EPHA5: variants seen among roughly 807,000 people sequenced by gnomAD.
EPHA5 encodes the protein ephrin type-A receptor 5.
EPHA5 carries 60 observed loss-of-function variants against 105.0 expected under a neutral mutation model. The ratio of observed to expected loss-of-function variants is 0.57; its 90% CI spans 0.46 to 0.71. The LOEUF (loss-of-function observed/expected upper bound fraction) is 0.71, where lower values mean the gene tolerates loss of function less well. EPHA5 is among the 30% of genes least tolerant of loss of function. EPHA5 has a pLI of 0.00. For missense variants in EPHA5, 1,218 were observed against 1,274.7 expected, an observed-to-expected ratio of 0.96 and a Z score of 0.68; for synonymous variants, 513 against 449.1, an observed-to-expected ratio of 1.14 and a Z score of -1.80.
intron 3 of EPHA5, among the ~76,000 whole-genome samples, chr4:65,507,431 G>A (rs1733152160): frequency 6.6e-6 from 1 of 152,094 alleles, no homozygotes; most frequent in Non-Finnish European, 1.5e-5. Flanking sequence ...AATGGGGATG[G>A]CATTGAATCT....
rs1740453059 is a variant in EPHA5, at chr4:65,573,506, C to T, written c.910+28135G>A. 2.5e-6 allele frequency: 4 copies of T among 1,592,212 alleles called. No homozygotes were observed. In the East Asian group the frequency reaches 9.0e-5, roughly 36 times the overall value. On this transcript the variant is annotated intron_variant, in intron 3 of 16. Coordinates refer to ENST00000613740, the MANE Select transcript of EPHA5 (RefSeq NM_001281766.3). ...AGCCAGATACTAAAGAGAAGAAACC[C>T]GAAGCCAAGAAGACTGATGCTGGTG...
At chr4:65,400,213 A>C (rs1231436782) in intron 8 of EPHA5, among the ~76,000 whole-genome samples, 1 of 152,212 alleles carries the variant, frequency 6.6e-6, no homozygotes, top group African/African-American at 2.4e-5. Flanking sequence ...TTAGGACAAA[A>C]GAAAGTTATC....
At chr4:65,486,819 C>T (rs1447071671) in intron 5 of EPHA5, among the ~76,000 whole-genome samples, 1 of 152,184 alleles carries the variant, frequency 6.6e-6, no homozygotes, top group South Asian at 2.1e-4. Context: ...ATGGCTTGGG[C>T]CTGTGTCCCT....
intron 3 of EPHA5, among the ~76,000 whole-genome samples, chr4:65,533,932 C>CAA (rs956529226): frequency 3.0e-5 from 4 of 132,036 alleles, no homozygotes; most frequent in African/African-American, 1.1e-4. Flanking sequence ...GACTCCATCT[C>CAA]AAAAAAAAAT....
chr4:65,578,090 A>T (rs897610995), intron 3 of EPHA5, among the ~76,000 whole-genome samples: 1 of 152,200 alleles, frequency 6.6e-6, no homozygotes, highest in Admixed American at 6.5e-5. Context: ...TTATATCAGT[A>T]TACCTATATC....
intron 12 of EPHA5, 57 bp downstream of exon 12, chr4:65,352,985 A>G (rs1279162981): frequency 2.5e-6 from 3 of 1,216,202 alleles, no homozygotes; most frequent in African/African-American, 1.6e-5. Context: ...TCATCACAGC[A>G]CAACATCACA....
chr4:65,418,700 A>C (rs903778542), intron 6 of EPHA5, among the ~76,000 whole-genome samples: 2 of 151,840 alleles, frequency 1.3e-5, no homozygotes, highest in African/African-American at 4.8e-5. Flanking sequence ...AACATTAAAA[A>C]CCTGTAAATA....
At chr4:65,575,992 GAGAGAGAGAGAAAGAA>G (rs1385429434) in intron 3 of EPHA5, among the ~76,000 whole-genome samples, 17 of 72,666 alleles carry the variant, frequency 2.3e-4, no homozygotes, top group African/African-American at 7.5e-4. Context: ...AAGAGAGAGA[GAGAGAGAGAGAAAGAA>G]AGAAAGAAAG....
chr4:65,636,702 G>T (rs1747150685), intron 2 of EPHA5, among the ~76,000 whole-genome samples: 1 of 151,988 alleles, frequency 6.6e-6, no homozygotes, highest in Admixed American at 6.6e-5. Context: ...CAGGTGTGTC[G>T]CTAACTACTT....
intron 5 of EPHA5, among the ~76,000 whole-genome samples, chr4:65,489,553 A>G (rs1731209279): frequency 2.0e-5 from 3 of 152,162 alleles, no homozygotes; most frequent in African/African-American, 4.8e-5. Context: ...TTCCCCTCCC[A>G]GATACCTGTT....
intron 8 of EPHA5, among the ~76,000 whole-genome samples, chr4:65,387,194 C>T (rs1444210264): frequency 6.6e-6 from 1 of 151,878 alleles, no homozygotes; most frequent in East Asian, 1.9e-4. Flanking sequence ...CACCTTAGGA[C>T]ATTTGGTTTA....
intron 5 of EPHA5, among the ~76,000 whole-genome samples, chr4:65,427,666 A>C (rs1040886544): frequency 6.6e-6 from 1 of 152,222 alleles, no homozygotes; most frequent in Non-Finnish European, 1.5e-5. Context: ...AGCCCTAGCT[A>C]ATCTAAAAAC....
At chr4:65,439,003 C>T (rs1431250023) in intron 5 of EPHA5, among the ~76,000 whole-genome samples, 1 of 152,010 alleles carries the variant, frequency 6.6e-6, no homozygotes, top group Admixed American at 6.6e-5. Context: ...ATATACTAAA[C>T]CCTTACATAC....
chr4:65,425,207 C>A (rs1724312673), intron 5 of EPHA5, among the ~76,000 whole-genome samples: 1 of 151,742 alleles, frequency 6.6e-6, no homozygotes, highest in South Asian at 2.1e-4. Flanking sequence ...AACTTTCCAA[C>A]TGAAGTCCCT....
chr4:65,632,043 C>T (rs1395024229), intron 2 of EPHA5, among the ~76,000 whole-genome samples: 1 of 151,984 alleles, frequency 6.6e-6, no homozygotes, highest in Non-Finnish European at 1.5e-5. Context: ...CTAAACACTG[C>T]ATCACTGACT....
At chr4:65,604,942 A>T (rs547584298) in intron 2 of EPHA5, among the ~76,000 whole-genome samples, 61 of 152,284 alleles carry the variant, frequency 4.0e-4, no homozygotes, top group African/African-American at 1.4e-3. Context: ...TGATCCTTCG[A>T]TTACTAGAAG....
rs76547830 is a variant in EPHA5, at chr4:65,467,500, A to G, written c.1402+22877T>C. 1.1e-3 allele frequency among the ~76,000 whole-genome samples: 168 copies of G among 152,322 alleles called. 3 individuals are homozygous for G. Among genetic ancestry groups the G allele is most frequent in the African/African-American group, 3.8e-3 (159 of 41,574 alleles). The stretch of plus-strand genomic sequence containing the variant: ...TAATGACATGCTATTTCTCTTAGTA[A>G]CTTGACTTTACAAGAGACAAGCCTG... On this transcript the variant is annotated intron_variant, in intron 5 of 16. Coordinates refer to ENST00000613740, the MANE Select transcript of EPHA5 (RefSeq NM_001281766.3).
intron 3 of EPHA5, among the ~76,000 whole-genome samples, chr4:65,524,607 C>T (rs942872560): frequency 2.6e-5 from 4 of 151,552 alleles, no homozygotes; most frequent in Non-Finnish European, 4.4e-5. Context: ...TTAAATAACT[C>T]CTAGAGAAAG....
intron 5 of EPHA5, among the ~76,000 whole-genome samples, chr4:65,430,935 G>A (rs1049506044): frequency 6.6e-6 from 1 of 152,020 alleles, no homozygotes; most frequent in African/African-American, 2.4e-5. Flanking sequence ...TAAAAACTAA[G>A]CAACTTTTTA....
Sources: allele counts gnomAD v4.1 joint callset (sites outside exome capture counted in the v4.1 genomes callset), GRCh38; gene constraint gnomAD v4.1.1; transcripts MANE v1.5; gene names NCBI Gene and HGNC (gene_info 2026-07-23, HGNC 2026-07-21).